COL6A3: variants seen among roughly 807,000 people sequenced by gnomAD.
The protein encoded by COL6A3 is collagen alpha-3(VI) chain.
Under a neutral mutation model 274.1 loss-of-function variants are expected in COL6A3, and 137 were observed. That is an observed-to-expected ratio of 0.50 (90% CI 0.44 to 0.58). The LOEUF (loss-of-function observed/expected upper bound fraction) is 0.58. Among genes scored for constraint, COL6A3 ranks in the 20% least tolerant of loss-of-function variants. The probability of loss-of-function intolerance (pLI) is 0.00; values close to 1 mark genes in which losing one functional copy is unlikely to be tolerated. For synonymous variants in COL6A3, 1,650 were observed against 1,650.6 expected (o/e 1.00, Z 0.01); for missense variants, 3,950 against 4,124.9 (o/e 0.96, Z 1.16).
At chr2:237,375,814 A>C (rs1189218278) in intron 7 of COL6A3, among the ~76,000 whole-genome samples, 1 of 152,172 alleles carries the variant, frequency 6.6e-6, no homozygotes, top group Non-Finnish European at 1.5e-5. Context: ...GAGTGCTGGG[A>C]TTACAGGTGT....
At chr2:237,351,248 G>T (rs2077200675) in intron 26 of COL6A3, 56 bp from the exon 27 acceptor site, 2 of 1,564,902 alleles carry the variant, frequency 1.3e-6, no homozygotes, top group East Asian at 2.2e-5. Context: ...CAGGCAAATT[G>T]GTCTCTGAAA....
Position 237,371,699 on chromosome 2 carries a change from C to T in COL6A3, c.4285+33G>A, listed in dbSNP as rs374475145. The T allele has an allele frequency of 6.4e-7, 1 of 1,550,954 alleles. No individual in the cohort carries two copies. On this transcript the variant is annotated intron_variant, in intron 9 of 43. Transcript: ENST00000295550. The surrounding 1 kb of genome is among the most constrained non-coding windows in gnomAD (Gnocchi z 4.3). ...CCTGTTATTTTTCATATGGAAAATG[C>T]TCCAAGGAGAACCTCCGACGCCCCC...
intron 12 of COL6A3, 68 bp downstream of exon 12, chr2:237,365,630 G>T: frequency 7.3e-7 from 1 of 1,371,934 alleles, no homozygotes; most frequent in African/African-American, 1.4e-5. Flanking sequence ...TGGGGGAAGG[G>T]CTTCCTCCTT....
Position 237,344,710 on chromosome 2 carries a change from C to T in COL6A3, c.7308G>A (p.Glu2436=), listed in dbSNP as rs750552221. 34 of 1,607,630 alleles carry T rather than the reference C, an allele frequency of 2.1e-5. No homozygotes were observed. Among genetic ancestry groups the T allele is most frequent in the Admixed American group, 5.1e-5 (3 of 59,400 alleles). ...CCCGGGCCCCCCGTGGGCAGTTGCT[C>T]TCAGCAATGGTCAGGTCATTCACAA... The part of the protein sequence containing the change: ...LSIVNDLTIA[E]SNCPRGARVA... Residue 2436 remains glutamate, a synonymous_variant, in exon 36 of 44, where the codon GAG becomes GAA. Transcript: ENST00000295550. The surrounding 1 kb of genome is among the most constrained non-coding windows in gnomAD (Gnocchi z 4.8).
chr2:237,343,807 C>T (rs1025216782), intron 36 of COL6A3: 4 of 191,360 alleles, frequency 2.1e-5, no homozygotes, highest in Admixed American at 5.3e-5. Context: ...GAATGGGTAT[C>T]ATCAGCACAT....
chr2:237,369,628 A>G (rs537971190), intron 9 of COL6A3, among the ~76,000 whole-genome samples: 35 of 152,328 alleles, frequency 2.3e-4, no homozygotes, highest in South Asian at 1.0e-3. Flanking sequence ...ATCACTTAGC[A>G]AGTGAGACCC....
In COL6A3 at chr2:237,376,806, G is replaced by A. The variant is rs770761489; in HGVS notation, c.3036C>T (p.Leu1012=). 1.2e-6 allele frequency: 2 copies of A among 1,614,210 alleles called. No homozygotes were observed. Among genetic ancestry groups the A allele is most frequent in the South Asian group, 1.1e-5 (1 of 91,082 alleles). ...IGDLHPQIVN[L]LKSVHNGAPA... ...GTGCTCCGTTGTGCACTGATTTTAA[G>A]AGATTCACTATCTGTGGATGAAGAT... The change falls in exon 7 of 44, where the codon CTC becomes CTT. Residue 1012 remains leucine (L), a synonymous_variant. Coordinates refer to ENST00000295550, the MANE Select transcript of COL6A3 (RefSeq NM_004369.4).
At chr2:237,372,731 G>T (rs1034962560) in intron 8 of COL6A3, among the ~76,000 whole-genome samples, 10 of 152,350 alleles carry the variant, frequency 6.6e-5, no homozygotes, top group Admixed American at 4.6e-4. Context: ...GAATGACAAA[G>T]TAGGGTGGGC....
At chr2:237,351,765 T>C (rs2077211432) in intron 26 of COL6A3, among the ~76,000 whole-genome samples, 1 of 152,238 alleles carries the variant, frequency 6.6e-6, no homozygotes, top group Non-Finnish European at 1.5e-5. Flanking sequence ...AATTACAAGT[T>C]AAGTAAATGT....
intron 36 of COL6A3, chr2:237,343,164 C>G (rs180990143): frequency 6.6e-6 from 1 of 152,018 alleles, no homozygotes; most frequent in Non-Finnish European, 1.5e-5. Flanking sequence ...TGAACAGTAT[C>G]GCCAGAACTG....
chr2:237,359,232 C>T lies in COL6A3; in HGVS notation c.6328G>A (p.Gly2110Arg). 2.5e-6 allele frequency: 4 copies of T among 1,614,242 alleles called. No homozygotes were observed. Among genetic ancestry groups the T allele is most frequent in the Non-Finnish European group, 3.4e-6 (4 of 1,180,042 alleles). ...TCTTCACCATCCAGACCATCCAGTC[C>T]AATTTCTCCTACTTCGCCCTAAGAG... ...PGEKGEVGEI[G>R]LDGLDGEDGD... The change falls in exon 19 of 44, where the codon GGA becomes AGA. Residue 2110 changes from glycine to arginine, a missense_variant. Transcript: ENST00000295550.
chr2:237,366,908 T>C lies in COL6A3; in HGVS notation c.5279A>G (p.Gln1760Arg). The C allele has an allele frequency of 6.2e-7, 1 of 1,614,210 alleles. No homozygotes were observed. Among genetic ancestry groups the C allele is most frequent in the Non-Finnish European group, 8.5e-7 (1 of 1,180,032 alleles). The stretch of plus-strand genomic sequence containing the variant: ...CTGGGTGAGGGCCAGGCTCACATCC[T>C]GTGCATCTTCCACCGACTTTCCTCC... ...ITGGKSVEDA[Q>R]DVSLALTQRG... is the part of the protein sequence containing the mutation. The change falls in exon 11 of 44, where the codon CAG (glutamine) becomes CGG (arginine). Residue 1760 changes from glutamine to arginine, a missense_variant. Coordinates refer to ENST00000295550, the MANE Select transcript of COL6A3 (RefSeq NM_004369.4).
rs749386499 is a variant in COL6A3, at chr2:237,394,881, C to T, written c.415G>A (p.Gly139Ser). The T allele has an allele frequency of 1.1e-5, 18 of 1,611,584 alleles. No homozygotes were observed. The highest frequency in any genetic ancestry group is 8.9e-5 in the East Asian group (4 of 44,856). ...HLTKAAGSRA[G>S]DGVPQVIVVL... is the part of the protein sequence containing the mutation. The stretch of plus-strand genomic sequence containing the variant: ...ACGATAACCTGAGGGACTCCGTCAC[C>T]GGCCCGGCTTCCAGCAGCCTTGGTG... Residue 139 changes from glycine (G) to serine (S), a missense_variant, in exon 3 of 44, where the codon GGT (glycine) becomes AGT (serine). Transcript: ENST00000295550.
At position 237,374,592 on chromosome 2, in the gene COL6A3, T is replaced by A. The variant is rs886042996; in HGVS notation, c.3499A>T (p.Ile1167Phe). ...ATCTCTGTGATGTCAGCGTTCCCGATGCCAATGCCAATGGGCACAGCCCCA... is the reference window on the plus strand; with the variant it reads ...ATCTCTGTGATGTCAGCGTTCCCGAAGCCAATGCCAATGGGCACAGCCCCA... ...RGGAVPIGIG[I>F]GNADITEMQT... The change falls in exon 8 of 44, where the codon ATC (isoleucine) becomes TTC (phenylalanine). Residue 1167 changes from isoleucine (I) to phenylalanine (F), a missense_variant. Ile to Phe is a conservative substitution (Grantham distance 21). Transcript: ENST00000295550. This position sits in a 1 kb window ranked among gnomAD's most constrained non-coding sequence, Gnocchi z 4.8. 3 of 1,614,078 alleles carry A rather than the reference T, an allele frequency of 1.9e-6. No homozygotes were observed. In the Admixed American group the frequency reaches 5.0e-5, roughly 27 times the overall value.
At position 237,336,230 on chromosome 2, in the gene COL6A3, G is replaced by A. The variant is rs1287394484; in HGVS notation, c.8870C>T (p.Ala2957Val). 6.2e-7 allele frequency: 1 copy of A among 1,613,908 alleles called. No individual in the cohort carries two copies. The highest frequency in any genetic ancestry group is 8.5e-7 in the Non-Finnish European group (1 of 1,179,976). Residue 2957 changes from alanine to valine, a missense_variant, in exon 40 of 44, where the codon GCT becomes GTT. By Grantham distance (64) the Ala-to-Val change is moderately conservative. Around this residue, in one of 5 missense-constraint regions of COL6A3, gnomAD observed 1,284 missense variants for 1,349.7 expected, o/e 0.95. Transcript: ENST00000295550. ...GGTCGCCACTGGTTTTGCAGCAGCAGCAGCGGGGGGTCTTACAGCTGCTGG... is the reference window on the plus strand; with the variant it reads ...GGTCGCCACTGGTTTTGCAGCAGCAACAGCGGGGGGTCTTACAGCTGCTGG... ...AKPAAVRPPA[A>V]AAAKPVATKP...
At chr2:237,412,675 G>T (rs576856609) in intron 1 of COL6A3, among the ~76,000 whole-genome samples, 2 of 152,326 alleles carry the variant, frequency 1.3e-5, no homozygotes, top group African/African-American at 4.8e-5. Context: ...ATGTAACTTT[G>T]ATTTTAAAGC....
At chr2:237,372,717 G>A (rs1470459842) in intron 8 of COL6A3, among the ~76,000 whole-genome samples, 1 of 152,224 alleles carries the variant, frequency 6.6e-6, no homozygotes, top group Non-Finnish European at 1.5e-5. Flanking sequence ...GGAGGAGCAA[G>A]GGTGAATGAC....
rs1022815311 is a variant in COL6A3 at position 237,374,677 on chromosome 2, G to A, written c.3414C>T (p.Val1138=). ...ITEGVPQLLI[V]LTADRSGDDV... is the part of the protein sequence containing the mutation. The stretch of plus-strand genomic sequence containing the variant: ...CATCCCCAGACCTGTCGGCCGTGAG[G>A]ACGATCAGCAGCTGGGGCACACCTT... Residue 1138 remains valine, a synonymous_variant, in exon 8 of 44, where the codon GTC becomes GTT. Transcript: ENST00000295550. This position sits in a 1 kb window ranked among gnomAD's most constrained non-coding sequence, Gnocchi z 4.8. 5.0e-6 allele frequency: 8 copies of A among 1,613,764 alleles called. No homozygotes were observed. The highest frequency in any genetic ancestry group is 1.6e-4 in the Middle Eastern group (1 of 6,084).
rs1205883842 is a variant in COL6A3 at position 237,364,539 on chromosome 2, G to T, written c.5839-111C>A. 8.5e-6 allele frequency: 7 copies of T among 827,306 alleles called. No individual in the cohort carries two copies. In the Admixed American group the frequency reaches 1.1e-4, roughly 13 times the overall value. The allele number at this position is 827,306 out of a possible 1,614,324, so 51.2% of individuals were successfully genotyped here. ...TCAAGCCCTTCATTTTACACTTAAG[G>T]AAACTGAGGGCCCAAGTTGAGGAAT... is the stretch of plus-strand genomic sequence containing the variant. On this transcript the variant is annotated intron_variant, in intron 12 of 43. Transcript: ENST00000295550. The surrounding 1 kb of genome is among the most constrained non-coding windows in gnomAD (Gnocchi z 4.6).
Sources: allele counts gnomAD v4.1 joint callset (sites outside exome capture counted in the v4.1 genomes callset), GRCh38; gene constraint gnomAD v4.1.1; regional missense constraint gnomAD v4.1.1; non-coding constraint Gnocchi (gnomAD v3.1); transcripts MANE v1.5; gene names NCBI Gene and HGNC (gene_info 2026-07-23, HGNC 2026-07-21).